The following PDZD2 variants were observed in gnomAD, a reference collection of about 807,000 sequenced individuals.
The protein encoded by PDZD2 is PDZ domain-containing protein 2.
In PDZD2, 90 loss-of-function variants were observed where a neutral mutation model predicts 220.7. The observed-to-expected ratio is 0.41, with a 90% CI of 0.34 to 0.49. PDZD2 has a LOEUF of 0.49. PDZD2 is among the 20% of genes least tolerant of loss of function. The pLI is 0.28. For missense variants in PDZD2, 3,174 were observed against 3,608.5 expected (o/e 0.88, Z 3.08); for synonymous variants, 1,375 against 1,450.5 (o/e 0.95, Z 1.18).
In PDZD2 at chr5:32,108,120, T is replaced by C; in HGVS notation, c.8505T>C (p.His2835=). 1 of 1,591,108 alleles carries C rather than the reference T, an allele frequency of 6.3e-7. No homozygotes were observed. The highest frequency in any genetic ancestry group is 8.6e-7 in the Non-Finnish European group (1 of 1,167,678). ...CTGTGCAGTTATTAATTAGAAAGCA[T>C]AGGAATTCTTCATGAATTTTAACAA... ...EGPVQLLIRK[H]RNSS is the part of the protein sequence containing the mutation. The change falls in exon 25 of 25, where the codon CAT becomes CAC. Residue 2835 remains histidine, a synonymous_variant. Transcript: ENST00000438447.
intron 2 of PDZD2, among the ~76,000 whole-genome samples, chr5:31,982,368 C>T (rs778632764): frequency 6.6e-5 from 10 of 152,306 alleles, no homozygotes; most frequent in Non-Finnish European, 1.5e-4. Flanking sequence ...AATGCAGTGG[C>T]GTGATCTCGG....
At chr5:32,035,413 A>G (rs1048126222) in intron 6 of PDZD2, among the ~76,000 whole-genome samples, 1 of 152,110 alleles carries the variant, frequency 6.6e-6, no homozygotes, top group Non-Finnish European at 1.5e-5. Flanking sequence ...GGTGTGTGCT[A>G]CCACACCCAG....
chr5:31,727,244 G>T (rs1338241549), intron 1 of PDZD2, among the ~76,000 whole-genome samples: 1 of 152,184 alleles, frequency 6.6e-6, no homozygotes, highest in East Asian at 1.9e-4. Flanking sequence ...TCCTTGCCAA[G>T]AATAGGCATG....
chr5:31,796,897 AT>A (rs1754059209), intron 1 of PDZD2, among the ~76,000 whole-genome samples: 1 of 148,644 alleles, frequency 6.7e-6, no homozygotes, highest in East Asian at 2.0e-4. Context: ...TGACCAAGAT[AT>A]TTACGGGGTT....
chr5:31,793,293 C>T (rs1033045662), intron 1 of PDZD2, among the ~76,000 whole-genome samples: 1 of 151,996 alleles, frequency 6.6e-6, no homozygotes, highest in African/African-American at 2.4e-5. Context: ...AACAAGGAAG[C>T]TCCTAGCAGA....
At chr5:31,968,414 G>T (rs1195545010) in intron 2 of PDZD2, among the ~76,000 whole-genome samples, 1 of 152,130 alleles carries the variant, frequency 6.6e-6, no homozygotes, top group Non-Finnish European at 1.5e-5. Context: ...AGCACTTTGG[G>T]AGGCTGAGGT....
chr5:32,046,357 C>T (rs1737961829), intron 7 of PDZD2, among the ~76,000 whole-genome samples: 1 of 152,176 alleles, frequency 6.6e-6, no homozygotes, highest in Admixed American at 6.5e-5. Context: ...ATTCTCTGGC[C>T]TCAGCCTCCT....
chr5:31,785,300 C>T (rs1033961111), intron 1 of PDZD2, among the ~76,000 whole-genome samples: 4 of 151,610 alleles, frequency 2.6e-5, no homozygotes, highest in African/African-American at 9.7e-5. Flanking sequence ...AGGAAGTTCA[C>T]CAAGGTCAGG....
At position 31,960,588 on chromosome 5, in the gene PDZD2, C is replaced by T. The variant is rs1748130402; in HGVS notation, c.477-22567C>T. Reference sequence around the variant, plus strand: ...TAGTCCTAACCCACTCTCCTCTCTCCTCCACCTAGATCCTGTGCCTTCACC... The same window carrying T: ...TAGTCCTAACCCACTCTCCTCTCTCTTCCACCTAGATCCTGTGCCTTCACC... On this transcript the variant is annotated intron_variant, in intron 2 of 24. Transcript: ENST00000438447. Among the ~76,000 whole-genome samples the T allele has an allele frequency of 2.0e-5, 3 of 152,240 alleles. No individual in the cohort carries two copies. In the South Asian group the frequency reaches 6.2e-4, roughly 32 times the overall value.
chr5:32,013,959 G>A (rs1753526783), intron 6 of PDZD2, among the ~76,000 whole-genome samples: 1 of 152,238 alleles, frequency 6.6e-6, no homozygotes, highest in African/African-American at 2.4e-5. Flanking sequence ...GGCAGGAAGT[G>A]TGGGCAGCCA....
chr5:31,794,986 T>C (rs764264623), intron 1 of PDZD2, among the ~76,000 whole-genome samples: 1 of 152,188 alleles, frequency 6.6e-6, no homozygotes, highest in Non-Finnish European at 1.5e-5. Context: ...GATCCTTTTA[T>C]ACCCCCAGCC....
At chr5:31,910,451 G>A (rs1222657275) in intron 2 of PDZD2, among the ~76,000 whole-genome samples, 2 of 145,624 alleles carry the variant, frequency 1.4e-5, no homozygotes, top group African/African-American at 5.1e-5. Context: ...CTGTCAACTG[G>A]GCTGGAGTGC....
In PDZD2 at chr5:31,789,976, T is replaced by G. The variant is rs78885175; in HGVS notation, c.-360-8913T>G. 2.2e-3 allele frequency among the ~76,000 whole-genome samples: 342 copies of G among 152,324 alleles called. 2 individuals are homozygous for G. The highest frequency in any genetic ancestry group is 7.3e-3 in the African/African-American group (303 of 41,578). ...AAGAGATGGAAAATATCGTGGTCAC[T>G]GTCCATAGCTATGACCAAATCCTTC... is the stretch of plus-strand genomic sequence containing the variant. On this transcript the variant is annotated intron_variant, in intron 1 of 24. Coordinates refer to ENST00000438447, the MANE Select transcript of PDZD2 (RefSeq NM_178140.4).
At chr5:31,926,541 A>AG (rs1554008116) in intron 2 of PDZD2, among the ~76,000 whole-genome samples, 42 of 149,322 alleles carry the variant, frequency 2.8e-4, no homozygotes, top group African/African-American at 8.5e-4. Context: ...AAAAAAAAAA[A>AG]AAAAGAAAAT....
intron 2 of PDZD2, among the ~76,000 whole-genome samples, chr5:31,888,079 G>A (rs529309477): frequency 2.3e-4 from 35 of 152,250 alleles, no homozygotes; most frequent in African/African-American, 7.9e-4. Flanking sequence ...GAATTTGGAT[G>A]GCGCAGATAT....
At chr5:31,951,846 GA>G (rs1387274185) in intron 2 of PDZD2, among the ~76,000 whole-genome samples, 1 of 152,030 alleles carries the variant, frequency 6.6e-6, no homozygotes, top group Non-Finnish European at 1.5e-5. Context: ...TAAAGCTTTG[GA>G]AAAAAAGTAT....
At chr5:31,960,713 C>T (rs945201099) in intron 2 of PDZD2, among the ~76,000 whole-genome samples, 4 of 150,712 alleles carry the variant, frequency 2.7e-5, no homozygotes, top group South Asian at 2.1e-4. Flanking sequence ...GCCAGTCCCC[C>T]TTTTATAAGC....
At chr5:32,007,042 A>C (rs534494403) in intron 5 of PDZD2, among the ~76,000 whole-genome samples, 30 of 150,404 alleles carry the variant, frequency 2.0e-4, no homozygotes, top group African/African-American at 7.1e-4. Context: ...CAGCCTCCTG[A>C]GTAGCAGGGA....
chr5:31,999,543 T>A (rs1248687566), intron 4 of PDZD2, among the ~76,000 whole-genome samples: 2 of 151,666 alleles, frequency 1.3e-5, no homozygotes, highest in African/African-American at 2.4e-5. Context: ...AAACATACTT[T>A]AAAAAAAAGA....
Sources: allele counts gnomAD v4.1 joint callset (sites outside exome capture counted in the v4.1 genomes callset), GRCh38; gene constraint gnomAD v4.1.1; transcripts MANE v1.5; gene names NCBI Gene and HGNC (gene_info 2026-07-23, HGNC 2026-07-21).